Variants in MED13L observed in about 807,000 individuals in gnomAD.
MED13L encodes mediator complex subunit 13L.
Under a neutral mutation model 220.9 loss-of-function variants are expected in MED13L, and 7 were observed. The observed-to-expected ratio is 0.03, with a 90% confidence interval of 0.02 to 0.06. The LOEUF (loss-of-function observed/expected upper bound fraction) is 0.06. Among genes scored for constraint, MED13L ranks in the 10% least tolerant of loss-of-function variants. MED13L has a pLI of 1.00. For synonymous variants in MED13L, 1,011 were observed against 1,015.2 expected (o/e 1.00, Z 0.08); for missense variants, 1,965 against 2,760.5 (o/e 0.71, Z 6.46).
rs976322359 is a variant in MED13L, at chr12:116,015,027, T to C, written c.1175+82A>G. 9.2e-5 allele frequency: 127 copies of C among 1,374,786 alleles called. 1 individual carries two copies. Among genetic ancestry groups the C allele is most frequent in the Non-Finnish European group, 6.7e-5 (65 of 963,500 alleles). The allele number at this position is 1,374,786 out of a possible 1,614,324, so 85.2% of individuals were successfully genotyped here. On this transcript the variant is annotated intron_variant, in intron 8 of 30. Coordinates refer to ENST00000281928, the MANE Select transcript of MED13L (RefSeq NM_015335.5). ...CCTCTCAAGTTTGGTCACACAATAG[T>C]GCAATGTGATTGACATTTTCCAGGT...
chr12:116,180,772 A>C (rs551730237), intron 2 of MED13L, among the ~76,000 whole-genome samples: 83 of 152,324 alleles, frequency 5.4e-4, no homozygotes, highest in African/African-American at 1.9e-3. Context: ...TGGTTTCAGT[A>C]GATTTTTATT....
intron 2 of MED13L, among the ~76,000 whole-genome samples, chr12:116,182,590 C>T (rs911972995): frequency 6.6e-6 from 1 of 152,218 alleles, no homozygotes; most frequent in African/African-American, 2.4e-5. Context: ...CTACAGCTTA[C>T]TGAAGAACAC....
At chr12:116,171,895 T>C (rs779298816) in intron 2 of MED13L, among the ~76,000 whole-genome samples, 1 of 152,226 alleles carries the variant, frequency 6.6e-6, no homozygotes, top group African/African-American at 2.4e-5. Flanking sequence ...GTTTCTGACA[T>C]ACACAGACTA....
At chr12:116,189,406 T>C (rs1039416469) in intron 2 of MED13L, among the ~76,000 whole-genome samples, 3 of 152,144 alleles carry the variant, frequency 2.0e-5, no homozygotes, top group African/African-American at 7.2e-5. Context: ...GTACTAGCTC[T>C]CTGTCAGACA....
At chr12:116,236,172 G>C (rs967397548) in intron 2 of MED13L, among the ~76,000 whole-genome samples, 1 of 152,088 alleles carries the variant, frequency 6.6e-6, no homozygotes, top group Non-Finnish European at 1.5e-5. Context: ...GCTTTGAGAT[G>C]AATGTTAAGT....
chr12:116,070,639 C>G (rs1035224987), intron 4 of MED13L, among the ~76,000 whole-genome samples: 6 of 152,150 alleles, frequency 3.9e-5, no homozygotes, highest in Admixed American at 1.3e-4. Context: ...TTATGATAAA[C>G]CACACAGTGC....
chr12:116,109,805 A>T (rs913555496), intron 3 of MED13L, among the ~76,000 whole-genome samples: 2 of 152,158 alleles, frequency 1.3e-5, no homozygotes, highest in Non-Finnish European at 2.9e-5. Flanking sequence ...TGCATAGTAC[A>T]CCTTAGTAAC....
intron 7 of MED13L, 47 bp downstream of exon 7, chr12:116,019,177 A>G (rs1191941860): frequency 1.9e-6 from 3 of 1,578,700 alleles, no homozygotes; most frequent in African/African-American, 1.4e-5. Flanking sequence ...AGACTATACA[A>G]TTGTCTGAGA....
At position 115,975,304 on chromosome 12, in the gene MED13L, C is replaced by T. The variant is rs1876859350; in HGVS notation, c.5598G>A (p.Arg1866=). 1.2e-6 allele frequency: 2 copies of T among 1,613,954 alleles called. No individual in the cohort carries two copies. The highest frequency in any genetic ancestry group is 1.7e-6 in the Non-Finnish European group (2 of 1,179,988). The change falls in exon 25 of 31, where the codon AGG becomes AGA. Residue 1866 remains arginine, a synonymous_variant. Transcript: ENST00000281928. ...VNIALPNRSR[R]SKVSARKIGL... ...CAATTTTACGTGCAGATACTTTACT[C>T]CTCCGTGACCTAACAAATAAAGAAA...
At chr12:115,964,586 ATTT>A (rs980276375) in intron 29 of MED13L, among the ~76,000 whole-genome samples, 1 of 151,842 alleles carries the variant, frequency 6.6e-6, no homozygotes, top group African/African-American at 2.4e-5. Flanking sequence ...ATGATGACTG[ATTT>A]TTTGTTTGTT....
chr12:116,119,838 A>ATATATATATAT (rs1204568125), intron 2 of MED13L, among the ~76,000 whole-genome samples: 2 of 31,592 alleles, frequency 6.3e-5, no homozygotes, highest in African/African-American at 1.4e-4. Context: ...AAAAAAAAAA[A>ATATATATATAT]ATATATATAT....
At chr12:116,232,862 G>A (rs375368763) in intron 2 of MED13L, among the ~76,000 whole-genome samples, 5 of 152,094 alleles carry the variant, frequency 3.3e-5, no homozygotes, top group Non-Finnish European at 4.4e-5. Context: ...CGAGGCGGGC[G>A]GATCGATTGA....
Position 116,006,410 on chromosome 12 carries a change from G to A in MED13L, c.2240C>T (p.Ser747Leu), listed in dbSNP as rs368050346. The A allele has an allele frequency of 6.2e-7, 1 of 1,613,170 alleles. No individual in the cohort carries two copies. Among genetic ancestry groups the A allele is most frequent in the Non-Finnish European group, 8.5e-7 (1 of 1,179,238 alleles). ...TEKDSLKKNKSEDGFGTKDVT... is the reference protein window; with the variant it reads ...TEKDSLKKNKLEDGFGTKDVT... ...ATCCTTGGTACCAAATCCATCCTCT[G>A]ACTGTATAATAAATTCAGCCAAACA... is the stretch of plus-strand genomic sequence containing the variant. The change falls in exon 12 of 31, where the codon TCA (serine) becomes TTA (leucine). Residue 747 changes from serine to leucine, a missense_variant and splice_region_variant. This residue lies in a region of MED13L where 818 missense variants were observed against 1,041.2 expected (regional missense o/e 0.79). Coordinates refer to ENST00000281928, the MANE Select transcript of MED13L (RefSeq NM_015335.5).
intron 4 of MED13L, 45 bp downstream of exon 4, chr12:116,096,624 C>T: frequency 6.8e-7 from 1 of 1,480,676 alleles, no homozygotes; most frequent in Non-Finnish European, 9.4e-7. Context: ...CACCCACCCA[C>T]AAGGCCAAAG....
At position 116,184,093 on chromosome 12, in the gene MED13L, C is replaced by T. The variant is rs1246582529; in HGVS notation, c.310+53375G>A. Among the ~76,000 whole-genome samples the T allele has an allele frequency of 7.9e-5, 12 of 152,222 alleles. No individual in the cohort carries two copies. The East Asian group carries it at 1.9e-3, about 25-fold the overall frequency. ...CTGTTTCAGTGGTGAATCCAATGAA[C>T]TGATTTTAAACAAACATGAGGTTTC... On this transcript the variant is annotated intron_variant, in intron 2 of 30. Transcript: ENST00000281928.
At chr12:115,980,633 T>C (rs187046836) in intron 23 of MED13L, 117 bp downstream of exon 23, 7 of 1,106,768 alleles carry the variant, frequency 6.3e-6, no homozygotes, top group East Asian at 2.4e-5. Flanking sequence ...CTAGCAACTC[T>C]TATATCAATG....
At chr12:116,103,014 C>T (rs969093607) in intron 3 of MED13L, among the ~76,000 whole-genome samples, 8 of 151,788 alleles carry the variant, frequency 5.3e-5, no homozygotes, top group East Asian at 2.0e-4. Context: ...TCGCACCAGG[C>T]GATCCCTATA....
chr12:116,055,810 G>A (rs1327691723), intron 4 of MED13L, among the ~76,000 whole-genome samples: 9 of 151,902 alleles, frequency 5.9e-5, no homozygotes, highest in Non-Finnish European at 1.0e-4. Context: ...CACGAGAATC[G>A]CTTGAACCCA....
chr12:116,008,890 A>G lies in MED13L; in HGVS notation c.1523T>C (p.Leu508Pro). The change falls in exon 10 of 31, where the codon CTA (leucine) becomes CCA (proline). Residue 508 changes from leucine (L) to proline (P), a missense_variant. This residue lies in a region of MED13L where 818 missense variants were observed against 1,041.2 expected (regional missense o/e 0.79). Transcript: ENST00000281928. The part of the protein sequence containing the change: ...CMEQDTPGQK[L>P]GLAGIDSSLE... ...GGAGGAGTCTATCCCTGCCAACCCT[A>G]GTTTCTGTCCTGGTGTATCTTGCTC... The G allele has an allele frequency of 6.2e-7, 1 of 1,614,076 alleles. No individual in the cohort carries two copies. Among genetic ancestry groups the G allele is most frequent in the Non-Finnish European group, 8.5e-7 (1 of 1,180,004 alleles).
Sources: gnomAD v4.1 joint callset for allele counts (sites outside exome capture counted in the v4.1 genomes callset) on GRCh38, gnomAD v4.1.1 for gene constraint, gnomAD v4.1.1 regional missense constraint, MANE v1.5 for transcripts, NCBI Gene and HGNC (gene_info 2026-07-23, HGNC 2026-07-21) for gene names.